Variants in TSC22D1 observed in about 807,000 individuals in gnomAD.
The protein encoded by TSC22D1 is TSC22 domain family member 1.
A neutral mutation model predicts 74.2 loss-of-function variants in TSC22D1; 9 were observed. The observed-to-expected ratio is 0.12, with a 90% CI of 0.07 to 0.21. The LOEUF is 0.21. Ranked by LOEUF, TSC22D1 falls within the 10% of genes least tolerant of loss-of-function variation. The probability of loss-of-function intolerance (pLI) is 1.00; values close to 1 mark genes in which losing one functional copy is unlikely to be tolerated. For missense variants in TSC22D1, 1,427 were observed against 1,304.7 expected (o/e 1.09, Z -1.44); for synonymous variants, 586 against 492.5 (o/e 1.19, Z -2.51).
At chr13:44,461,931 G>A (rs1232355764) in intron 1 of TSC22D1, among the ~76,000 whole-genome samples, 1 of 152,142 alleles carries the variant, frequency 6.6e-6, no homozygotes. Flanking sequence ...GACCAGCTCT[G>A]TATTTTAGGA....
chr13:44,528,835 T>C (rs1880679185), intron 1 of TSC22D1, among the ~76,000 whole-genome samples: 1 of 152,084 alleles, frequency 6.6e-6, no homozygotes. Context: ...ATTAAAAGAA[T>C]AACAAGTGTT....
At chr13:44,451,252 C>A (rs1876108066) in intron 1 of TSC22D1, among the ~76,000 whole-genome samples, 1 of 152,278 alleles carries the variant, frequency 6.6e-6, no homozygotes, top group South Asian at 2.1e-4. Flanking sequence ...GTGACAGAAG[C>A]GGGACACTGC....
chr13:44,492,833 A>G (rs1566138229), intron 1 of TSC22D1, among the ~76,000 whole-genome samples: 1 of 152,154 alleles, frequency 6.6e-6, no homozygotes, highest in Non-Finnish European at 1.5e-5. Flanking sequence ...CATGAATCCC[A>G]TAACAAATGA....
chr13:44,572,505 G>A (rs1566183293), intron 1 of TSC22D1, among the ~76,000 whole-genome samples: 1 of 152,098 alleles, frequency 6.6e-6, no homozygotes, highest in African/African-American at 2.4e-5. Flanking sequence ...AAAATGTTCA[G>A]CATACTATCA....
intron 1 of TSC22D1, among the ~76,000 whole-genome samples, chr13:44,489,084 A>C (rs1357498849): frequency 6.6e-6 from 1 of 152,108 alleles, no homozygotes. Flanking sequence ...AACCCTAAAT[A>C]TATGGATTTA....
chr13:44,437,063 G>A (rs192470265), intron 1 of TSC22D1: 11 of 970,384 alleles, frequency 1.1e-5, no homozygotes, highest in South Asian at 9.5e-5. Context: ...CAGAGGGAGT[G>A]GGGTGCTGGG....
intron 1 of TSC22D1, among the ~76,000 whole-genome samples, chr13:44,531,661 G>A (rs1436359525): frequency 6.6e-6 from 1 of 152,120 alleles, no homozygotes; most frequent in Non-Finnish European, 1.5e-5. Flanking sequence ...TCAAATTGGG[G>A]TATCTATACC....
chr13:44,573,081 GT>G, intron 1 of TSC22D1, 81 bp downstream of exon 1: 1 of 1,498,876 alleles, frequency 6.7e-7, no homozygotes, highest in Non-Finnish European at 8.9e-7. Context: ...ATGTTTTAGA[GT>G]CATTTTGTGC....
intron 1 of TSC22D1, among the ~76,000 whole-genome samples, chr13:44,550,669 T>G (rs2138144913): frequency 6.6e-6 from 1 of 152,152 alleles, no homozygotes; most frequent in African/African-American, 2.4e-5. Context: ...TCTTAAAATA[T>G]TATTCAGAAT....
chr13:44,576,426 A>C, upstream of TSC22D1: 1 of 210,050 alleles, frequency 4.8e-6, no homozygotes, highest in Non-Finnish European at 9.4e-6. Flanking sequence ...AAAAGCGAGA[A>C]ATGCCCACCT....
At chr13:44,482,125 G>T (rs1301292023) in intron 1 of TSC22D1, among the ~76,000 whole-genome samples, 1 of 152,168 alleles carries the variant, frequency 6.6e-6, no homozygotes, top group Non-Finnish European at 1.5e-5. Flanking sequence ...TTTGCAGTAT[G>T]TTATAAAAGA....
chr13:44,503,610 A>G (rs1246272620), intron 1 of TSC22D1, among the ~76,000 whole-genome samples: 2 of 152,234 alleles, frequency 1.3e-5, no homozygotes, highest in Non-Finnish European at 1.5e-5. Context: ...AATCTAGAAT[A>G]GAAAAGTCTT....
chr13:44,554,812 T>C (rs1345196941), intron 1 of TSC22D1, among the ~76,000 whole-genome samples: 1 of 152,066 alleles, frequency 6.6e-6, no homozygotes, highest in Admixed American at 6.6e-5. Context: ...ACCAAATTAT[T>C]ATCACCAAAT....
At chr13:44,468,011 C>A (rs1877393946) in intron 1 of TSC22D1, among the ~76,000 whole-genome samples, 1 of 152,046 alleles carries the variant, frequency 6.6e-6, no homozygotes, top group Non-Finnish European at 1.5e-5. Flanking sequence ...CGCACACACA[C>A]ACACACACAC....
intron 1 of TSC22D1, among the ~76,000 whole-genome samples, chr13:44,497,811 C>T (rs1014982472): frequency 6.6e-6 from 1 of 152,196 alleles, no homozygotes; most frequent in Non-Finnish European, 1.5e-5. Context: ...CAGCACTGTT[C>T]CCACATTTAA....
chr13:44,547,553 T>C (rs929833762), intron 1 of TSC22D1, among the ~76,000 whole-genome samples: 9 of 152,092 alleles, frequency 5.9e-5, no homozygotes, highest in Admixed American at 1.3e-4. Context: ...TATTCCTGCA[T>C]TATTAAAACT....
chr13:44,537,821 G>GAT (rs1881241573), intron 1 of TSC22D1: 1 of 984,890 alleles, frequency 1.0e-6, no homozygotes, highest in Admixed American at 6.2e-5. Context: ...ACTAAGTGCA[G>GAT]GTTATGCTTT....
At chr13:44,476,423 GTTGA>G (rs1025844124) in intron 1 of TSC22D1, among the ~76,000 whole-genome samples, 1 of 151,556 alleles carries the variant, frequency 6.6e-6, no homozygotes, top group Non-Finnish European at 1.5e-5. Flanking sequence ...TTTTCTTTTT[GTTGA>G]TTATTATCTA....
intron 1 of TSC22D1, among the ~76,000 whole-genome samples, chr13:44,441,529 C>A (rs1875206292): frequency 6.6e-6 from 1 of 152,074 alleles, no homozygotes; most frequent in South Asian, 2.1e-4. Context: ...TGGTTTAAAA[C>A]TGCTAAATCC....
Sources: allele counts gnomAD v4.1 joint callset (sites outside exome capture counted in the v4.1 genomes callset), GRCh38; gene constraint gnomAD v4.1.1; transcripts MANE v1.5; gene names NCBI Gene and HGNC (gene_info 2026-07-23, HGNC 2026-07-21).